Variants in FNIP1 observed in about 807,000 individuals in gnomAD.
FNIP1 encodes folliculin-interacting protein 1.
FNIP1 carries 40 observed loss-of-function variants against 124.5 expected under a neutral mutation model. The observed-to-expected ratio is 0.32, with a 90% CI of 0.25 to 0.42. The LOEUF (loss-of-function observed/expected upper bound fraction) is 0.42. Among genes scored for constraint, FNIP1 ranks in the 10% least tolerant of loss-of-function variants. FNIP1 has a pLI of 1.00. For missense variants in FNIP1, 1,176 were observed against 1,403.7 expected, an observed-to-expected ratio of 0.84 and a Z score of 2.59; for synonymous variants, 472 against 470.6, an observed-to-expected ratio of 1.00 and a Z score of -0.04.
At chr5:131,765,800 C>G (rs929056397) in intron 1 of FNIP1, among the ~76,000 whole-genome samples, 2 of 152,070 alleles carry the variant, frequency 1.3e-5, no homozygotes, top group Admixed American at 1.3e-4. Context: ...TACTAAATAC[C>G]CCACTTATCA....
intron 11 of FNIP1, among the ~76,000 whole-genome samples, chr5:131,695,153 A>G (rs112641683): frequency 7.1e-6 from 1 of 140,920 alleles, no homozygotes; most frequent in Admixed American, 7.3e-5. Context: ...ATAAATAAAT[A>G]AAGCATTAAC....
At chr5:131,658,907 CAAAAAAAAAAAA>C (rs70974003) in intron 15 of FNIP1, among the ~76,000 whole-genome samples, 34 of 41,166 alleles carry the variant, frequency 8.3e-4, no homozygotes, top group Admixed American at 1.2e-3. Context: ...TGGGTCTAGC[CAAAAAAAAAAAA>C]AAAAAAAAAA....
chr5:131,707,594 C>T (rs79683168), intron 8 of FNIP1, among the ~76,000 whole-genome samples: 2 of 152,126 alleles, frequency 1.3e-5, no homozygotes, highest in Non-Finnish European at 2.9e-5. Flanking sequence ...CTTTAGAATG[C>T]AGATTCTAAA....
intron 2 of FNIP1, among the ~76,000 whole-genome samples, chr5:131,743,904 A>T (rs761667000): frequency 6.6e-6 from 1 of 152,192 alleles, no homozygotes; most frequent in Non-Finnish European, 1.5e-5. Context: ...GGAAAAAGTA[A>T]AGAAAAATTA....
intron 1 of FNIP1, among the ~76,000 whole-genome samples, chr5:131,747,597 G>A (rs534705567): frequency 5.7e-4 from 87 of 152,142 alleles, no homozygotes; most frequent in Admixed American, 2.2e-3. Flanking sequence ...TTTTAGAAAA[G>A]AAAAAGAACT....
intron 2 of FNIP1, among the ~76,000 whole-genome samples, chr5:131,736,848 T>C (rs921672231): frequency 2.0e-5 from 3 of 152,196 alleles, no homozygotes; most frequent in Non-Finnish European, 4.4e-5. Context: ...AATGTTCATA[T>C]TTTTAGGAAA....
In FNIP1 at chr5:131,644,730, A is replaced by G. The variant is rs780613942; in HGVS notation, c.3456T>C (p.Ala1152=). 1 of 1,614,048 alleles carries G rather than the reference A, an allele frequency of 6.2e-7. No homozygotes were observed. Among genetic ancestry groups the G allele is most frequent in the Non-Finnish European group, 8.5e-7 (1 of 1,179,944 alleles). ...IESSDLPLLA[A]VASTHSPYVA... ...CATATGGAGAGTGAGTGCTTGCTACAGCAGCCAGAAGTGGAAGATCACTGG... is the reference window on the plus strand; with the variant it reads ...CATATGGAGAGTGAGTGCTTGCTACGGCAGCCAGAAGTGGAAGATCACTGG... The change falls in exon 18 of 18, where the codon GCT becomes GCC. Residue 1152 remains alanine (A), a synonymous_variant. Transcript: ENST00000510461.
chr5:131,717,777 G>A (rs1769517956), intron 5 of FNIP1, among the ~76,000 whole-genome samples: 1 of 152,104 alleles, frequency 6.6e-6, no homozygotes, highest in Admixed American at 6.5e-5. Context: ...TAACATCAGT[G>A]ATTCCAACAT....
chr5:131,742,182 G>A (rs996012532), intron 2 of FNIP1, among the ~76,000 whole-genome samples: 2 of 152,062 alleles, frequency 1.3e-5, no homozygotes, highest in African/African-American at 4.8e-5. Context: ...TTGGTAAATA[G>A]GCCAGGCAAA....
intron 2 of FNIP1, among the ~76,000 whole-genome samples, chr5:131,743,314 T>G (rs1264512683): frequency 6.6e-6 from 1 of 150,720 alleles, no homozygotes; most frequent in Non-Finnish European, 1.5e-5. Context: ...AAGAGTAGGT[T>G]TATAGGCAAA....
chr5:131,652,949 G>T (rs570095274), intron 15 of FNIP1, among the ~76,000 whole-genome samples: 18 of 152,182 alleles, frequency 1.2e-4, no homozygotes, highest in African/African-American at 4.1e-4. Flanking sequence ...GGGTCAAAGA[G>T]TAAGACCCTG....
intron 3 of FNIP1, among the ~76,000 whole-genome samples, chr5:131,726,301 T>C (rs188530625): frequency 3.8e-4 from 58 of 152,346 alleles, no homozygotes; most frequent in Non-Finnish European, 6.0e-4. Flanking sequence ...CTGGTAGAAT[T>C]TGGCTGTGAA....
Position 131,651,891 on chromosome 5 carries a change from A to G in FNIP1, c.3217T>C (p.Leu1073=), listed in dbSNP as rs1580726575. The G allele has an allele frequency of 1.9e-6, 3 of 1,614,156 alleles. No homozygotes were observed. The highest frequency in any genetic ancestry group is 2.5e-6 in the Non-Finnish European group (3 of 1,180,018). ...SSQRRVTDNK[L]GKEVLVSSLV... is the part of the protein sequence containing the mutation. ...CTGGAAACCAATACTTCCTTTCCCA[A>G]TTTATTATCTGTCACTCGTCTCTGG... Residue 1073 remains leucine, a synonymous_variant, in exon 16 of 18, where the codon TTG becomes CTG. Coordinates refer to ENST00000510461, the MANE Select transcript of FNIP1 (RefSeq NM_133372.3).
chr5:131,675,076 T>C (rs1403355073), intron 13 of FNIP1, among the ~76,000 whole-genome samples: 1 of 152,208 alleles, frequency 6.6e-6, no homozygotes, highest in Non-Finnish European at 1.5e-5. Flanking sequence ...ATCCTCCTTC[T>C]TGGCAGTCAG....
At chr5:131,669,883 C>T (rs1360264606) in intron 15 of FNIP1, among the ~76,000 whole-genome samples, 1 of 144,286 alleles carries the variant, frequency 6.9e-6, no homozygotes, top group Non-Finnish European at 1.5e-5. Flanking sequence ...TTCCATGCAA[C>T]ATTGTATTGA....
At chr5:131,730,446 A>G (rs1770042345) in intron 3 of FNIP1, among the ~76,000 whole-genome samples, 1 of 152,224 alleles carries the variant, frequency 6.6e-6, no homozygotes, top group African/African-American at 2.4e-5. Flanking sequence ...ATAAAATGTA[A>G]TACATTTAGA....
chr5:131,768,077 G>GA (rs1442622326), intron 1 of FNIP1, among the ~76,000 whole-genome samples: 1 of 151,590 alleles, frequency 6.6e-6, no homozygotes, highest in Non-Finnish European at 1.5e-5. Context: ...AATTAGATGT[G>GA]AAAAAAATAC....
intron 15 of FNIP1, among the ~76,000 whole-genome samples, chr5:131,662,733 A>ATTTTTTTTTTTTTTTTTTTT (rs34051607): frequency 1.3e-5 from 1 of 76,950 alleles, no homozygotes. Flanking sequence ...GATATTCTAG[A>ATTTTTTTTTTTTTTTTTTTT]TTTTTTTTTT....
chr5:131,670,687 G>GC lies in FNIP1; in HGVS notation c.2940-57_2940-56insG. ...ATTTAGTAATAAATATATTTAACCA[G>GC]TAAAAAAAAAAAAAAGTGAATTCTA... On this transcript the variant is annotated intron_variant, in intron 14 of 17. Transcript: ENST00000510461. 3 of 1,164,636 alleles carry GC rather than the reference G, an allele frequency of 2.6e-6. No homozygotes were observed. The East Asian group carries it at 9.1e-5, about 35-fold the overall frequency. 72.1% of individuals were successfully genotyped at this position (1,164,636 alleles called of 1,614,324 possible).
Sources: allele counts gnomAD v4.1 joint callset (sites outside exome capture counted in the v4.1 genomes callset), GRCh38; gene constraint gnomAD v4.1.1; transcripts MANE v1.5; gene names NCBI Gene and HGNC (gene_info 2026-07-23, HGNC 2026-07-21).